The following CNTNAP2 variants were observed in gnomAD, a reference collection of about 807,000 sequenced individuals.
CNTNAP2 encodes contactin associated protein 2.
A neutral mutation model predicts 155.2 loss-of-function variants in CNTNAP2; 98 were observed. The observed-to-expected ratio is 0.63, with a 90% CI of 0.54 to 0.75. The LOEUF (loss-of-function observed/expected upper bound fraction) is 0.75, where lower values mean the gene tolerates loss of function less well. Ranked by LOEUF, CNTNAP2 falls within the 30% of genes least tolerant of loss-of-function variation. The pLI, the probability that CNTNAP2 is intolerant of heterozygous loss-of-function variation, is 0.00. For synonymous variants in CNTNAP2, 651 were observed against 631.2 expected, an observed-to-expected ratio of 1.03 and a Z score of -0.47; for missense variants, 1,727 against 1,688.1, an observed-to-expected ratio of 1.02 and a Z score of -0.40.
intron 1 of CNTNAP2, among the ~76,000 whole-genome samples, chr7:146,437,963 A>G (rs1347938342): frequency 6.6e-6 from 1 of 151,330 alleles, no homozygotes; most frequent in Non-Finnish European, 1.5e-5. Context: ...CAACCACAAA[A>G]TAACAGTACC....
At chr7:146,163,521 A>ATG (rs944249078) in intron 1 of CNTNAP2, among the ~76,000 whole-genome samples, 1 of 144,404 alleles carries the variant, frequency 6.9e-6, no homozygotes, top group Non-Finnish European at 1.5e-5. Context: ...ATATATCTAT[A>ATG]TATATCTATA....
At chr7:146,604,950 G>A (rs1196495119) in intron 1 of CNTNAP2, among the ~76,000 whole-genome samples, 65 of 132,876 alleles carry the variant, frequency 4.9e-4, no homozygotes, top group Non-Finnish European at 1.0e-3. Context: ...GGGAGGGATA[G>A]CATTGGGAGA....
intron 1 of CNTNAP2, among the ~76,000 whole-genome samples, chr7:146,151,164 C>T (rs1268502701): frequency 6.6e-6 from 1 of 152,082 alleles, no homozygotes; most frequent in Non-Finnish European, 1.5e-5. Context: ...TCACTTCCCA[C>T]CAGGTTTCTT....
intron 21 of CNTNAP2, among the ~76,000 whole-genome samples, chr7:148,326,830 T>A (rs1011176345): frequency 6.9e-6 from 1 of 145,416 alleles, no homozygotes; most frequent in Admixed American, 7.0e-5. Context: ...GTGCCACTGC[T>A]CTCCAGCCTG....
At chr7:147,499,283 C>T (rs1055779961) in intron 11 of CNTNAP2, among the ~76,000 whole-genome samples, 13 of 152,068 alleles carry the variant, frequency 8.5e-5, no homozygotes, top group Admixed American at 2.6e-4. Flanking sequence ...AATCCCAGCA[C>T]TTTGGGAGGC....
intron 21 of CNTNAP2, among the ~76,000 whole-genome samples, chr7:148,353,561 A>G (rs957088835): frequency 5.3e-5 from 8 of 152,212 alleles, no homozygotes; most frequent in Non-Finnish European, 7.3e-5. Flanking sequence ...TATACAAGTG[A>G]CAGTAATACT....
chr7:146,626,492 T>G (rs764412658), intron 1 of CNTNAP2, among the ~76,000 whole-genome samples: 2 of 152,094 alleles, frequency 1.3e-5, no homozygotes, highest in Non-Finnish European at 2.9e-5. Context: ...ATATGTTGAC[T>G]TAGAGTTACT....
chr7:147,535,485 T>C (rs192749111), intron 11 of CNTNAP2, among the ~76,000 whole-genome samples: 54 of 152,244 alleles, frequency 3.5e-4, no homozygotes, highest in Middle Eastern at 3.4e-3. Context: ...AATATGACAG[T>C]GGAAAAAGAT....
intron 1 of CNTNAP2, among the ~76,000 whole-genome samples, chr7:146,513,492 A>G (rs1306074459): frequency 1.3e-5 from 2 of 151,942 alleles, no homozygotes; most frequent in Non-Finnish European, 2.9e-5. Context: ...AAAAAATCTT[A>G]TAGCTATATA....
chr7:146,712,501 T>C (rs1204129392), intron 1 of CNTNAP2, among the ~76,000 whole-genome samples: 3 of 150,646 alleles, frequency 2.0e-5, no homozygotes, highest in Non-Finnish European at 4.4e-5. Flanking sequence ...GTTTTTTTTT[T>C]TCCCTAAAGC....
At position 146,420,336 on chromosome 7, in the gene CNTNAP2, CT is replaced by C. The variant is rs1584916835; in HGVS notation, c.97+303364del. On this transcript the variant is annotated intron_variant, in intron 1 of 23. Coordinates refer to ENST00000361727, the MANE Select transcript of CNTNAP2 (RefSeq NM_014141.6). ...ACCTGATTTCTTTTTGCAAGGGTTTCTGTTAATGAACAAAGTCTCTGTCTCC... is the reference window on the plus strand; with the variant it reads ...ACCTGATTTCTTTTTGCAAGGGTTTCGTTAATGAACAAAGTCTCTGTCTCC... Among the ~76,000 whole-genome samples the C allele has an allele frequency of 2.6e-5, 4 of 152,156 alleles. 1 individual carries two copies. The East Asian group carries it at 7.7e-4, about 29-fold the overall frequency.
At chr7:146,719,956 GA>G (rs1009596704) in intron 1 of CNTNAP2, among the ~76,000 whole-genome samples, 1 of 152,028 alleles carries the variant, frequency 6.6e-6, no homozygotes, top group African/African-American at 2.4e-5. Context: ...TTGAAGCATT[GA>G]AAGAGCTGAA....
chr7:147,049,201 C>CT (rs1799423756), intron 4 of CNTNAP2, among the ~76,000 whole-genome samples: 1 of 152,122 alleles, frequency 6.6e-6, no homozygotes, highest in African/African-American at 2.4e-5. Flanking sequence ...AAAACATGAA[C>CT]TTTGAAGGAC....
chr7:147,733,821 G>A (rs1163005751), intron 13 of CNTNAP2, among the ~76,000 whole-genome samples: 1 of 152,122 alleles, frequency 6.6e-6, no homozygotes, highest in Non-Finnish European at 1.5e-5. Flanking sequence ...CTCTCTGTCT[G>A]TTATTGGTGT....
intron 1 of CNTNAP2, among the ~76,000 whole-genome samples, chr7:146,383,067 T>C (rs1041240149): frequency 1.1e-4 from 16 of 152,180 alleles, no homozygotes; most frequent in African/African-American, 3.6e-4. Context: ...GGCATTTTCA[T>C]TGAACTCATT....
At chr7:146,349,199 C>T (rs1403821502) in intron 1 of CNTNAP2, among the ~76,000 whole-genome samples, 1 of 152,098 alleles carries the variant, frequency 6.6e-6, no homozygotes, top group African/African-American at 2.4e-5. Flanking sequence ...ATTCTATTCG[C>T]CAGAAATAAA....
At chr7:147,389,733 A>G (rs1796677551) in intron 9 of CNTNAP2, among the ~76,000 whole-genome samples, 1 of 152,252 alleles carries the variant, frequency 6.6e-6, no homozygotes, top group South Asian at 2.1e-4. Flanking sequence ...TGACAAGATT[A>G]CAATTCACTG....
At chr7:146,242,423 C>T (rs538471134) in intron 1 of CNTNAP2, among the ~76,000 whole-genome samples, 1 of 151,966 alleles carries the variant, frequency 6.6e-6, no homozygotes, top group South Asian at 2.1e-4. Context: ...CCTGTAGTCC[C>T]AGCTACTCGG....
chr7:147,327,621 G>C (rs796797677), intron 9 of CNTNAP2, among the ~76,000 whole-genome samples: 4 of 152,212 alleles, frequency 2.6e-5, no homozygotes, highest in African/African-American at 9.6e-5. Flanking sequence ...TTTTGTAGCT[G>C]TCTGAATTTT....
Sources: allele counts gnomAD v4.1 joint callset (sites outside exome capture counted in the v4.1 genomes callset), GRCh38; gene constraint gnomAD v4.1.1; transcripts MANE v1.5; gene names NCBI Gene and HGNC (gene_info 2026-07-23, HGNC 2026-07-21).